NRG3: variants seen among roughly 807,000 people sequenced by gnomAD.
The protein encoded by NRG3 is pro-neuregulin-3, membrane-bound isoform.
A neutral mutation model predicts 66.9 loss-of-function variants in NRG3; 31 were observed. That is an observed-to-expected ratio of 0.46 (90% CI 0.35 to 0.63). The LOEUF is 0.63. Among genes scored for constraint, NRG3 ranks in the 20% least tolerant of loss-of-function variants. The pLI is 0.00. For synonymous variants in NRG3, 393 were observed against 359.4 expected, an observed-to-expected ratio of 1.09 and a Z score of -1.06; for missense variants, 910 against 878.9, an observed-to-expected ratio of 1.04 and a Z score of -0.45.
At chr10:82,624,969 T>G (rs2049316550) in intron 2 of NRG3, among the ~76,000 whole-genome samples, 1 of 149,590 alleles carries the variant, frequency 6.7e-6, no homozygotes, top group South Asian at 2.1e-4. Flanking sequence ...TATTTGAGCC[T>G]TAATACATTT....
chr10:82,438,692 A>G (rs1480831131), intron 2 of NRG3, among the ~76,000 whole-genome samples: 1 of 152,066 alleles, frequency 6.6e-6, no homozygotes, highest in Non-Finnish European at 1.5e-5. Flanking sequence ...CTTCCCTTCC[A>G]TGGGTTGCAC....
chr10:82,455,703 C>G (rs960224713), intron 2 of NRG3, among the ~76,000 whole-genome samples: 1 of 151,848 alleles, frequency 6.6e-6, no homozygotes, highest in Non-Finnish European at 1.5e-5. Flanking sequence ...CAAGCTCCGC[C>G]TCCCGGGTTC....
chr10:81,877,593 G>A (rs978978030), intron 1 of NRG3: 1 of 788,680 alleles, frequency 1.3e-6, no homozygotes, highest in African/African-American at 1.9e-5. Context: ...AGAATGTAGT[G>A]TATTTGTAAG....
At chr10:82,767,264 C>T (rs1021740564) in intron 3 of NRG3, among the ~76,000 whole-genome samples, 2 of 152,018 alleles carry the variant, frequency 1.3e-5, no homozygotes, top group Non-Finnish European at 2.9e-5. Context: ...CTGCTGCCTG[C>T]ATGTCTTCTT....
At chr10:82,737,719 A>G (rs1274607916) in intron 2 of NRG3, among the ~76,000 whole-genome samples, 2 of 152,072 alleles carry the variant, frequency 1.3e-5, no homozygotes, top group Non-Finnish European at 2.9e-5. Context: ...GCCTCGCCGT[A>G]TTTGTTCCTG....
At chr10:82,877,651 A>C (rs890087363) in intron 4 of NRG3, among the ~76,000 whole-genome samples, 1 of 150,842 alleles carries the variant, frequency 6.6e-6, no homozygotes, top group Admixed American at 6.6e-5. Flanking sequence ...AGCCTCCCAA[A>C]GTGCTGGGAT....
intron 4 of NRG3, among the ~76,000 whole-genome samples, chr10:82,917,922 A>G (rs1010088701): frequency 3.3e-5 from 5 of 149,912 alleles, no homozygotes; most frequent in Non-Finnish European, 5.9e-5. Flanking sequence ...ATTTTTATAT[A>G]TACACACACC....
In NRG3 at chr10:82,894,731, A is replaced by G. The variant is rs184340669; in HGVS notation, c.1054+29294A>G. 1.6e-3 allele frequency among the ~76,000 whole-genome samples: 248 copies of G among 152,166 alleles called. 1 individual carries two copies. Among genetic ancestry groups the G allele is most frequent in the African/African-American group, 5.9e-3 (244 of 41,524 alleles). On this transcript the variant is annotated intron_variant, in intron 4 of 8. Transcript: ENST00000372141. ...CAGGCTCCATAAGTTTTGCCTCTAC[A>G]ATAATTTTTTTTTTAACTTTAAGTT...
intron 1 of NRG3, among the ~76,000 whole-genome samples, chr10:82,319,018 C>A (rs2081427487): frequency 6.6e-6 from 1 of 152,134 alleles, no homozygotes; most frequent in African/African-American, 2.4e-5. Context: ...TTATTTTGGT[C>A]TAATACACAG....
chr10:82,048,863 A>G (rs1176905272), intron 1 of NRG3, among the ~76,000 whole-genome samples: 3 of 151,784 alleles, frequency 2.0e-5, no homozygotes, highest in Non-Finnish European at 4.4e-5. Context: ...CAAGACTAAT[A>G]AAGAAAAAAA....
At chr10:82,720,805 T>TTATACATATA (rs1565238093) in intron 2 of NRG3, among the ~76,000 whole-genome samples, 1 of 63,504 alleles carries the variant, frequency 1.6e-5, no homozygotes, top group African/African-American at 7.3e-5. Context: ...TAGGAGTATT[T>TTATACATATA]TATACATATA....
At chr10:82,900,669 A>G (rs1844129807) in intron 4 of NRG3, among the ~76,000 whole-genome samples, 1 of 152,164 alleles carries the variant, frequency 6.6e-6, no homozygotes, top group South Asian at 2.1e-4. Context: ...CAGTGGCCTT[A>G]TAGGGTTGGT....
At chr10:82,758,631 G>A (rs1565283439) in intron 3 of NRG3, among the ~76,000 whole-genome samples, 1 of 151,986 alleles carries the variant, frequency 6.6e-6, no homozygotes. Context: ...ACTATAGATT[G>A]CCTACCCCTC....
chr10:82,018,890 A>G (rs1444550837), intron 1 of NRG3, among the ~76,000 whole-genome samples: 2 of 152,178 alleles, frequency 1.3e-5, no homozygotes, highest in Non-Finnish European at 2.9e-5. Flanking sequence ...AACAGGGACA[A>G]TTTGACTTCC....
intron 1 of NRG3, among the ~76,000 whole-genome samples, chr10:82,132,515 TGATATATATG>T (rs2068974322): frequency 9.3e-5 from 1 of 10,762 alleles, no homozygotes; most frequent in African/African-American, 4.3e-4. Context: ...CATATATATA[TGATATATATG>T]ATATATATAT....
intron 1 of NRG3, among the ~76,000 whole-genome samples, chr10:82,059,447 T>G (rs558114853): frequency 6.6e-6 from 1 of 152,254 alleles, no homozygotes; most frequent in South Asian, 2.1e-4. Context: ...AGGAGGTGAC[T>G]AAGCTTTTTT....
intron 4 of NRG3, among the ~76,000 whole-genome samples, 198 bp from the exon 5 acceptor site, chr10:82,951,271 A>G (rs567686553): frequency 6.6e-6 from 1 of 152,340 alleles, no homozygotes; most frequent in East Asian, 1.9e-4. Context: ...ATGCAGATAC[A>G]AATAATAGCA....
At chr10:82,849,135 C>T (rs1295574358) in intron 3 of NRG3, among the ~76,000 whole-genome samples, 1 of 152,074 alleles carries the variant, frequency 6.6e-6, no homozygotes, top group Non-Finnish European at 1.5e-5. Context: ...AACTGATATC[C>T]TTATCAAAAG....
intron 5 of NRG3, among the ~76,000 whole-genome samples, chr10:82,952,902 T>G (rs1036827355): frequency 6.6e-6 from 1 of 151,988 alleles, no homozygotes; most frequent in African/African-American, 2.4e-5. Context: ...TTTTTAGATA[T>G]TTAGAACTGT....
Sources: gnomAD v4.1 joint callset for allele counts (sites outside exome capture counted in the v4.1 genomes callset) on GRCh38, gnomAD v4.1.1 for gene constraint, MANE v1.5 for transcripts, NCBI Gene and HGNC (gene_info 2026-07-23, HGNC 2026-07-21) for gene names.